Variants in KIAA0825 observed in about 807,000 individuals in gnomAD.
KIAA0825 encodes the protein KIAA0825, also known as uncharacterized protein KIAA0825.
A neutral mutation model predicts 147.6 loss-of-function variants in KIAA0825; 119 were observed. That is an observed-to-expected ratio of 0.81 (90% CI 0.69 to 0.94). The LOEUF is 0.94. Ranked by LOEUF, KIAA0825 falls within the 40% of genes least tolerant of loss-of-function variation. KIAA0825 has a pLI of 0.00. For missense variants in KIAA0825, 1,381 were observed against 1,472.7 expected (o/e 0.94, Z 1.02); for synonymous variants, 470 against 518.1 (o/e 0.91, Z 1.26).
chr5:94,248,817 G>C (rs1392784533), intron 20 of KIAA0825, among the ~76,000 whole-genome samples: 3 of 152,042 alleles, frequency 2.0e-5, no homozygotes, highest in Non-Finnish European at 4.4e-5. Context: ...ATCCTGCAGG[G>C]ATTACAAAGA....
At chr5:94,475,468 T>C (rs541728810) in intron 7 of KIAA0825, among the ~76,000 whole-genome samples, 11 of 152,354 alleles carry the variant, frequency 7.2e-5, no homozygotes, top group African/African-American at 2.2e-4. Flanking sequence ...ATCTGAATTC[T>C]CTTTTCAAAT....
chr5:94,548,690 T>C (rs7718597), intron 2 of KIAA0825, among the ~76,000 whole-genome samples: 1 of 152,088 alleles, frequency 6.6e-6, no homozygotes, highest in African/African-American at 2.4e-5. Flanking sequence ...TCTATAAAGA[T>C]ACACAAAGAC....
At chr5:94,314,087 C>T (rs1210005971) in intron 20 of KIAA0825, among the ~76,000 whole-genome samples, 1 of 151,648 alleles carries the variant, frequency 6.6e-6, no homozygotes, top group African/African-American at 2.4e-5. Flanking sequence ...GTTTCTACTA[C>T]CTACCACCTT....
At position 94,479,545 on chromosome 5, in the gene KIAA0825, C is replaced by T. The variant is rs185355530; in HGVS notation, c.1133-2340G>A. Among the ~76,000 whole-genome samples the T allele has an allele frequency of 1.9e-3, 285 of 152,164 alleles. 1 individual carries two copies. Among genetic ancestry groups the T allele is most frequent in the African/African-American group, 6.7e-3 (277 of 41,542 alleles). ...TCCAAGTTTTGGCAGTTATGAATAA[C>T]GCTGCTATAAACATTCCTGTGCAGG... On this transcript the variant is annotated intron_variant, in intron 6 of 20. Transcript: ENST00000682413.
At chr5:94,276,229 G>T (rs1305438545) in intron 20 of KIAA0825, among the ~76,000 whole-genome samples, 1 of 152,090 alleles carries the variant, frequency 6.6e-6, no homozygotes, top group Non-Finnish European at 1.5e-5. Flanking sequence ...AGTGGTTACG[G>T]GCATGGCAAA....
intron 20 of KIAA0825, among the ~76,000 whole-genome samples, chr5:94,267,542 A>G (rs1003377966): frequency 1.9e-4 from 29 of 152,168 alleles, no homozygotes; most frequent in Admixed American, 1.7e-3. Context: ...TGGTAAGTTA[A>G]TCACACCCAA....
intron 3 of KIAA0825, among the ~76,000 whole-genome samples, chr5:94,526,509 A>AT (rs1206408284): frequency 1.3e-5 from 2 of 152,030 alleles, no homozygotes; most frequent in Non-Finnish European, 2.9e-5. Flanking sequence ...ATGTGCCTTA[A>AT]TTATAATGAC....
intron 16 of KIAA0825, among the ~76,000 whole-genome samples, chr5:94,402,971 T>C (rs1411394964): frequency 6.6e-6 from 1 of 152,000 alleles, no homozygotes; most frequent in African/African-American, 2.4e-5. Flanking sequence ...AAACGAATAA[T>C]GTAGGTAACT....
intron 1 of KIAA0825, among the ~76,000 whole-genome samples, chr5:94,617,405 A>T (rs1404728728): frequency 2.0e-5 from 3 of 152,186 alleles, no homozygotes; most frequent in Non-Finnish European, 4.4e-5. Context: ...TTGTTGCATT[A>T]CTCTCAAAAG....
At chr5:94,348,877 TAAA>T (rs1273704387) in intron 20 of KIAA0825, among the ~76,000 whole-genome samples, 2 of 152,002 alleles carry the variant, frequency 1.3e-5, no homozygotes, top group East Asian at 3.9e-4. Flanking sequence ...AAATACAAGT[TAAA>T]AAGCAAAAAT....
At chr5:94,266,412 A>C (rs6890849) in intron 20 of KIAA0825, among the ~76,000 whole-genome samples, 21,987 of 152,194 alleles carry the variant, frequency 0.14, 1,748 homozygotes, top group East Asian at 0.23. Flanking sequence ...GTAAAAGACC[A>C]ATTCAAAGTA....
chr5:94,429,470 T>C (rs1318802906), intron 14 of KIAA0825, among the ~76,000 whole-genome samples: 1 of 152,170 alleles, frequency 6.6e-6, no homozygotes, highest in African/African-American at 2.4e-5. Context: ...ACATATGCAC[T>C]TCTTTTGGCA....
At chr5:94,237,085 G>C (rs1775087701) in intron 20 of KIAA0825, among the ~76,000 whole-genome samples, 2 of 150,448 alleles carry the variant, frequency 1.3e-5, no homozygotes, top group African/African-American at 2.5e-5. Flanking sequence ...GTGTCTGTGT[G>C]TGTAAGTTCT....
In KIAA0825 at chr5:94,554,468, C is replaced by T. The variant is rs115306389; in HGVS notation, c.-1-17341G>A. Among the ~76,000 whole-genome samples, 1,406 of 152,018 alleles carry T rather than the reference C, an allele frequency of 9.2e-3. 29 individuals carry two copies. The highest frequency in any genetic ancestry group is 0.033 in the African/African-American group (1,348 of 41,470). On this transcript the variant is annotated intron_variant, in intron 2 of 20. Transcript: ENST00000682413. ...CTTAAATATGCACCAGCCTTTTCTT[C>T]TGGCCTGGCTCATTTTTATTTTGCC...
intron 20 of KIAA0825, among the ~76,000 whole-genome samples, chr5:94,228,220 T>C (rs1319408852): frequency 1.3e-5 from 2 of 152,162 alleles, no homozygotes; most frequent in Non-Finnish European, 2.9e-5. Flanking sequence ...ATTAGAATAA[T>C]ACATACACAT....
chr5:94,503,026 T>C (rs1765269314), intron 5 of KIAA0825, among the ~76,000 whole-genome samples: 2 of 150,454 alleles, frequency 1.3e-5, no homozygotes, highest in Admixed American at 1.3e-4. Flanking sequence ...GAAGAATCGA[T>C]TGAACGCAGG....
chr5:94,488,360 T>G (rs1490079574), intron 5 of KIAA0825, among the ~76,000 whole-genome samples: 1 of 152,230 alleles, frequency 6.6e-6, no homozygotes. Context: ...TAACCATTGC[T>G]GTAAAATATC....
intron 20 of KIAA0825, among the ~76,000 whole-genome samples, chr5:94,343,993 T>G (rs554244236): frequency 6.6e-6 from 1 of 152,332 alleles, no homozygotes; most frequent in Admixed American, 6.5e-5. Flanking sequence ...CAGTGAGAAC[T>G]CTACAAATTT....
At chr5:94,252,085 A>G (rs1280141827) in intron 20 of KIAA0825, among the ~76,000 whole-genome samples, 1 of 152,088 alleles carries the variant, frequency 6.6e-6, no homozygotes, top group Non-Finnish European at 1.5e-5. Context: ...CAGATATTTC[A>G]ATTTGATTTG....
Sources: gnomAD v4.1 joint callset for allele counts (sites outside exome capture counted in the v4.1 genomes callset) on GRCh38, gnomAD v4.1.1 for gene constraint, MANE v1.5 for transcripts, NCBI Gene and HGNC (gene_info 2026-07-23, HGNC 2026-07-21) for gene names.